Variants in CECR2 observed in about 807,000 individuals in gnomAD.
CECR2 encodes the protein chromatin remodeling regulator CECR2.
CECR2 carries 30 observed loss-of-function variants against 154.5 expected under a neutral mutation model. That is an observed-to-expected ratio of 0.19 (90% CI 0.15 to 0.26). The LOEUF is 0.26. Among genes scored for constraint, CECR2 ranks in the 10% least tolerant of loss-of-function variants. The probability of loss-of-function intolerance (pLI) is 1.00; values close to 1 mark genes in which losing one functional copy is unlikely to be tolerated. For synonymous variants in CECR2, 725 were observed against 683.7 expected, an observed-to-expected ratio of 1.06 and a Z score of -0.94; for missense variants, 1,743 against 1,829.3, an observed-to-expected ratio of 0.95 and a Z score of 0.86.
chr22:17,458,501 T>C (rs1341937058), intron 1 of CECR2, among the ~76,000 whole-genome samples: 2 of 150,770 alleles, frequency 1.3e-5, no homozygotes, highest in East Asian at 3.9e-4. Context: ...GGTAAAATGG[T>C]GCCATTGTGA....
chr22:17,524,395 T>TC (rs2056217516), intron 9 of CECR2, 124 bp downstream of exon 9: 2 of 1,115,484 alleles, frequency 1.8e-6, no homozygotes, highest in Non-Finnish European at 2.5e-6. Flanking sequence ...TTCTTTTTTT[T>TC]TTTTTTTTTT....
chr22:17,396,956 A>G (rs1490624823), intron 1 of CECR2, among the ~76,000 whole-genome samples: 1 of 152,094 alleles, frequency 6.6e-6, no homozygotes, highest in African/African-American at 2.4e-5. Context: ...TGAGAGAGGA[A>G]AAGCCTAGCA....
intron 9 of CECR2, among the ~76,000 whole-genome samples, chr22:17,534,011 G>A (rs2056399404): frequency 6.6e-6 from 1 of 152,044 alleles, no homozygotes; most frequent in African/African-American, 2.4e-5. Flanking sequence ...ACCATGCCCG[G>A]CCGAGCAAAG....
intron 1 of CECR2, among the ~76,000 whole-genome samples, chr22:17,412,154 C>A (rs1287535951): frequency 6.6e-6 from 1 of 152,150 alleles, no homozygotes; most frequent in Non-Finnish European, 1.5e-5. Context: ...ATTCTCAAAA[C>A]TTGCCTTATT....
At chr22:17,444,846 G>T (rs534019811) in intron 1 of CECR2, among the ~76,000 whole-genome samples, 1 of 152,154 alleles carries the variant, frequency 6.6e-6, no homozygotes, top group African/African-American at 2.4e-5. Context: ...TGGGTTTACT[G>T]TGTTAATTAC....
At position 17,503,116 on chromosome 22, in the gene CECR2, C is replaced by G; in HGVS notation, c.685C>G (p.Pro229Ala). 2.5e-6 allele frequency: 4 copies of G among 1,612,340 alleles called. No homozygotes were observed. Among genetic ancestry groups the G allele is most frequent in the Non-Finnish European group, 3.4e-6 (4 of 1,179,122 alleles). Residue 229 changes from proline (P) to alanine (A), a missense_variant, in exon 6 of 19, where the codon CCA (proline) becomes GCA (alanine). Physicochemically the swap from Pro to Ala is conservative, Grantham distance 27. Around this residue, in one of 4 missense-constraint regions of CECR2, gnomAD observed 292 missense variants for 301.2 expected, o/e 0.97. Transcript: ENST00000262608. ...KQEENSLASE[P>A]QTRHGSQGPG... ...GGAAGAAAATTCCTTGGCATCCGAG[C>G]CACAGACAAGACATGGTAATGTTCT... is the stretch of plus-strand genomic sequence containing the variant.
intron 1 of CECR2, among the ~76,000 whole-genome samples, chr22:17,397,598 C>A (rs1338597020): frequency 2.6e-5 from 4 of 151,902 alleles, no homozygotes; most frequent in African/African-American, 9.7e-5. Context: ...CCCGGGTTCA[C>A]CCCATTCTCC....
rs1208200588 is a variant in CECR2 at position 17,542,504 on chromosome 22, C to T, written c.2361C>T (p.Gly787=). 1.9e-6 allele frequency: 3 copies of T among 1,613,998 alleles called. No homozygotes were observed. The African/African-American group carries it at 4.0e-5, about 22-fold the overall frequency. Residue 787 remains glycine (G), a synonymous_variant, in exon 16 of 19, where the codon GGC becomes GGT. Coordinates refer to ENST00000262608, the MANE Select transcript of CECR2 (RefSeq NM_001290047.2). ...GTGCTACGAACCAAGGACCCTTGGG[C>T]CCAGATGAGAAGCCCCACCTGGGGC... is the stretch of plus-strand genomic sequence containing the variant. ...NHGATNQGPL[G]PDEKPHLGPG...
intron 1 of CECR2, among the ~76,000 whole-genome samples, chr22:17,373,562 C>T (rs533778567): frequency 2.0e-4 from 30 of 152,238 alleles, no homozygotes; most frequent in Admixed American, 3.9e-4. Context: ...TAAATATGCC[C>T]GCAGTGTAAT....
intron 1 of CECR2, among the ~76,000 whole-genome samples, chr22:17,414,107 G>A (rs993665726): frequency 2.0e-5 from 3 of 151,844 alleles, no homozygotes; most frequent in Admixed American, 2.0e-4. Flanking sequence ...TGAGTAGCTG[G>A]GACTACAGGT....
intron 7 of CECR2, among the ~76,000 whole-genome samples, chr22:17,506,949 T>C (rs1260900844): frequency 2.6e-5 from 4 of 152,198 alleles, no homozygotes; most frequent in Non-Finnish European, 5.9e-5. Context: ...CTACCACGTT[T>C]AGCCTGCCTT....
chr22:17,512,788 T>C (rs2055982803), intron 8 of CECR2, among the ~76,000 whole-genome samples: 1 of 151,436 alleles, frequency 6.6e-6, no homozygotes, highest in African/African-American at 2.4e-5. Flanking sequence ...TAATTGGAGA[T>C]GTAGCATGGA....
At chr22:17,473,318 T>G (rs2055158577) in intron 1 of CECR2, among the ~76,000 whole-genome samples, 1 of 151,952 alleles carries the variant, frequency 6.6e-6, no homozygotes, top group Non-Finnish European at 1.5e-5. Flanking sequence ...GAAAAGGAAA[T>G]ACAAAAGAGG....
chr22:17,551,734 G>A (rs2056710987), intron 17 of CECR2, among the ~76,000 whole-genome samples: 1 of 151,576 alleles, frequency 6.6e-6, no homozygotes, highest in African/African-American at 2.4e-5. Flanking sequence ...GAAGATTGAG[G>A]CTGCAGTAAA....
At chr22:17,472,306 C>T (rs1053766664) in intron 1 of CECR2, among the ~76,000 whole-genome samples, 8 of 152,206 alleles carry the variant, frequency 5.3e-5, no homozygotes, top group Non-Finnish European at 1.2e-4. Context: ...AAAGCATCAG[C>T]TGTCAAAGTC....
At chr22:17,478,148 A>G (rs1214975519) in intron 2 of CECR2, among the ~76,000 whole-genome samples, 1 of 152,148 alleles carries the variant, frequency 6.6e-6, no homozygotes, top group Non-Finnish European at 1.5e-5. Context: ...GGAGACAAAT[A>G]AAGGAGAGTC....
At chr22:17,395,726 A>AG (rs2053799020) in intron 1 of CECR2, among the ~76,000 whole-genome samples, 1 of 152,224 alleles carries the variant, frequency 6.6e-6, no homozygotes, top group Non-Finnish European at 1.5e-5. Context: ...ATATTTCTAC[A>AG]GAAAAAAAAT....
Position 17,548,223 on chromosome 22 carries a change from C to T in CECR2, c.2936C>T (p.Pro979Leu), listed in dbSNP as rs763383175. Residue 979 changes from proline (P) to leucine (L), a missense_variant, in exon 17 of 19, where the codon CCT becomes CTT. Around this residue, in one of 4 missense-constraint regions of CECR2, gnomAD observed 1,250 missense variants for 1,192.1 expected, o/e 1.05. Coordinates refer to ENST00000262608, the MANE Select transcript of CECR2 (RefSeq NM_001290047.2). ...GAGGGGGTCTACCTCACACAACTAC[C>T]TCACCCCACACCTCCCCTGCAGACT... is the stretch of plus-strand genomic sequence containing the variant. ...TSEGVYLTQL[P>L]HPTPPLQTDC... is the part of the protein sequence containing the mutation. The T allele has an allele frequency of 1.3e-6, 2 of 1,595,518 alleles. No individual in the cohort carries two copies. The highest frequency in any genetic ancestry group is 1.7e-5 in the Admixed American group (1 of 57,318).
chr22:17,549,327 C>A lies in CECR2; in HGVS notation c.4040C>A (p.Pro1347His). The A allele has an allele frequency of 1.2e-6, 2 of 1,613,982 alleles. No individual in the cohort carries two copies. The highest frequency in any genetic ancestry group is 2.2e-5 in the South Asian group (2 of 91,082). ...PPHSVMLQTGPPYTPQRPASH... is the reference protein window; with the variant it reads ...PPHSVMLQTGHPYTPQRPASH... ...CACAGTGTGATGCTGCAGACGGGGC[C>A]TCCCTATACCCCTCAGCGGCCGGCC... Residue 1347 changes from proline to histidine, a missense_variant, in exon 17 of 19, where the codon CCT becomes CAT. Physicochemically the swap from Pro to His is moderately conservative, Grantham distance 77. Around this residue, in one of 4 missense-constraint regions of CECR2, gnomAD observed 1,250 missense variants for 1,192.1 expected, o/e 1.05. Coordinates refer to ENST00000262608, the MANE Select transcript of CECR2 (RefSeq NM_001290047.2).
Sources: allele counts gnomAD v4.1 joint callset (sites outside exome capture counted in the v4.1 genomes callset), GRCh38; gene constraint gnomAD v4.1.1; regional missense constraint gnomAD v4.1.1; transcripts MANE v1.5; gene names NCBI Gene and HGNC (gene_info 2026-07-23, HGNC 2026-07-21).